Variants in PCDHGA3 observed in about 807,000 individuals in gnomAD.
PCDHGA3 encodes the protein protocadherin gamma-A3.
A neutral mutation model predicts 58.5 loss-of-function variants in PCDHGA3; 40 were observed. The observed-to-expected ratio is 0.68, with a 90% confidence interval of 0.53 to 0.89. PCDHGA3 has a LOEUF of 0.89. Among genes scored for constraint, PCDHGA3 ranks in the 40% least tolerant of loss-of-function variants. The pLI, the probability that PCDHGA3 is intolerant of heterozygous loss-of-function variation, is 0.00. For missense variants in PCDHGA3, 1,223 were observed against 1,195.9 expected (o/e 1.02, Z -0.33); for synonymous variants, 530 against 525.7 (o/e 1.01, Z -0.11).
chr5:141,506,025 A>T (rs2099850088), intron 3 of PCDHGA3, among the ~76,000 whole-genome samples: 1 of 152,150 alleles, frequency 6.6e-6, no homozygotes, highest in African/African-American at 2.4e-5. Context: ...CCCTAACTCC[A>T]GAGTAGGATT....
Position 141,476,873 on chromosome 5 carries a change from G to A in PCDHGA3, c.2425-17934G>A. 1.9e-6 allele frequency: 3 copies of A among 1,613,936 alleles called. No homozygotes were observed. Among genetic ancestry groups the A allele is most frequent in the Non-Finnish European group, 2.5e-6 (3 of 1,180,038 alleles). Reference sequence around the variant, plus strand: ...CAACCAGTCCTTGTACCGGGCGCGCGTCCTGGAGGATGCACCCTCCGGCAC... The same window carrying A: ...CAACCAGTCCTTGTACCGGGCGCGCATCCTGGAGGATGCACCCTCCGGCAC... On this transcript the variant is annotated intron_variant, in intron 1 of 3. Transcript: ENST00000253812. The surrounding 1 kb of genome is among the most constrained non-coding windows in gnomAD (Gnocchi z 7.6).
intron 1 of PCDHGA3, among the ~76,000 whole-genome samples, chr5:141,349,009 G>C (rs1279554227): frequency 6.6e-6 from 1 of 152,148 alleles, no homozygotes; most frequent in East Asian, 1.9e-4. Flanking sequence ...ATATTTACCA[G>C]TGGTCAAGTC....
At chr5:141,458,987 C>A (rs2098958554) in intron 1 of PCDHGA3, among the ~76,000 whole-genome samples, 1 of 152,168 alleles carries the variant, frequency 6.6e-6, no homozygotes, top group Non-Finnish European at 1.5e-5. Context: ...CCTGCCTCAC[C>A]CTCCCAAAGT....
At chr5:141,446,401 T>C (rs1321106896) in intron 1 of PCDHGA3, among the ~76,000 whole-genome samples, 1 of 152,166 alleles carries the variant, frequency 6.6e-6, no homozygotes, top group African/African-American at 2.4e-5. Context: ...AGAAATCGAG[T>C]TGAGTTCCAG....
At position 141,493,223 on chromosome 5, in the gene PCDHGA3, A is replaced by G. The variant is rs2099747083; in HGVS notation, c.2425-1584A>G. Among the ~76,000 whole-genome samples, 1 of 152,142 alleles carries G rather than the reference A, an allele frequency of 6.6e-6. No homozygotes were observed. The highest frequency in any genetic ancestry group is 6.6e-5 in the Admixed American group (1 of 15,262). On this transcript the variant is annotated intron_variant, in intron 1 of 3. Transcript: ENST00000253812. The surrounding 1 kb of genome is among the most constrained non-coding windows in gnomAD (Gnocchi z 4.3). ...CCTCATCTCATTTGCTCTTCCCACC[A>G]TTGCTGTTGGCTAGGTACTAACATG...
chr5:141,476,716 C>T lies in PCDHGA3; in HGVS notation c.2425-18091C>T. On this transcript the variant is annotated intron_variant, in intron 1 of 3. Transcript: ENST00000253812. This position sits in a 1 kb window ranked among gnomAD's most constrained non-coding sequence, Gnocchi z 7.6. ...AGTACGCGGAGCTGGTGTTGGAGCG[C>T]GCCCTGGACCGAGAACGGGAGCCTA... 15 of 1,614,148 alleles carry T rather than the reference C, an allele frequency of 9.3e-6. No homozygotes were observed. The highest frequency in any genetic ancestry group is 1.3e-5 in the Non-Finnish European group (15 of 1,180,036).
intron 1 of PCDHGA3, chr5:141,417,855 G>A: frequency 6.5e-7 from 1 of 1,544,918 alleles, no homozygotes. Context: ...GAACCCGAGC[G>A]AACGATGGGA....
chr5:141,496,943 T>C (rs1023861484), intron 2 of PCDHGA3, among the ~76,000 whole-genome samples: 2 of 151,258 alleles, frequency 1.3e-5, no homozygotes, highest in African/African-American at 2.4e-5. Flanking sequence ...CCCAGCACTT[T>C]GGGAGGCCAA....
intron 1 of PCDHGA3, chr5:141,374,969 G>A (rs200408172): frequency 1.2e-5 from 20 of 1,613,904 alleles, no homozygotes; most frequent in Middle Eastern, 1.6e-4. Flanking sequence ...CTGTTTGAAT[G>A]TTTTGACTGG....
rs149319740 is a variant in PCDHGA3, at chr5:141,378,591, G to A, written c.2424+32134G>A. The stretch of plus-strand genomic sequence containing the variant: ...TTTTAAAACATGCTCGGTAGTGTCT[G>A]CTTACAGGACATATCTCTAAAAATA... On this transcript the variant is annotated intron_variant, in intron 1 of 3. Transcript: ENST00000253812. 4.1e-4 allele frequency: 63 copies of A among 152,298 alleles called. 1 individual carries two copies. Among genetic ancestry groups the A allele is most frequent in the African/African-American group, 1.4e-3 (60 of 41,574 alleles). The allele number at this position is 152,298 out of a possible 1,614,324, so 9.4% of individuals were successfully genotyped here.
chr5:141,438,581 TAC>T (rs2097976954), intron 1 of PCDHGA3, among the ~76,000 whole-genome samples: 6 of 49,834 alleles, frequency 1.2e-4, no homozygotes, highest in African/African-American at 7.2e-4. Flanking sequence ...TATACATACA[TAC>T]ATACATACAT....
intron 1 of PCDHGA3, chr5:141,413,400 G>C: frequency 6.2e-7 from 1 of 1,614,060 alleles, no homozygotes; most frequent in Non-Finnish European, 8.5e-7. Context: ...CCAGAGGTAG[G>C]ACGCAGCTTT....
chr5:141,355,590 A>C, intron 1 of PCDHGA3: 2 of 1,613,952 alleles, frequency 1.2e-6, no homozygotes, highest in Non-Finnish European at 1.7e-6. Context: ...ATGATAACCC[A>C]CCCAGTTTTG....
intron 1 of PCDHGA3, chr5:141,393,221 AG>A (rs1394795238): frequency 1.2e-6 from 2 of 1,613,690 alleles, no homozygotes; most frequent in South Asian, 2.2e-5. Flanking sequence ...TCCAGGTCGA[AG>A]ATCTAGAAGT....
intron 1 of PCDHGA3, chr5:141,389,414 G>A (rs2091750366): frequency 6.2e-7 from 1 of 1,613,464 alleles, no homozygotes; most frequent in Non-Finnish European, 8.5e-7. Context: ...CGGAGAGCGG[G>A]GTGGTGTTCG....
In PCDHGA3 at chr5:141,366,784, A is replaced by G. The variant is rs749444374; in HGVS notation, c.2424+20327A>G. Reference sequence around the variant, plus strand: ...TTCTCTTTCGGTAAGGATGACCAGAACATTTTCATTTGTTTCCTTTTTCAT... The same window carrying G: ...TTCTCTTTCGGTAAGGATGACCAGAGCATTTTCATTTGTTTCCTTTTTCAT... On this transcript the variant is annotated intron_variant, in intron 1 of 3. Coordinates refer to ENST00000253812, the MANE Select transcript of PCDHGA3 (RefSeq NM_018916.4). 6 of 1,579,152 alleles carry G rather than the reference A, an allele frequency of 3.8e-6. No homozygotes were observed. The South Asian group carries it at 6.9e-5, about 18-fold the overall frequency.
At chr5:141,398,955 A>G in intron 1 of PCDHGA3, 6 of 1,613,966 alleles carry the variant, frequency 3.7e-6, no homozygotes, top group Non-Finnish European at 5.1e-6. Context: ...TCAACTCAGA[A>G]ATTACTTATT....
intron 1 of PCDHGA3, chr5:141,357,075 G>C: frequency 6.2e-7 from 1 of 1,613,942 alleles, no homozygotes; most frequent in Non-Finnish European, 8.5e-7. Context: ...ACACAGGCGA[G>C]GTGCGCACCG....
intron 1 of PCDHGA3, among the ~76,000 whole-genome samples, chr5:141,406,174 G>A (rs990967391): frequency 2.6e-5 from 4 of 151,264 alleles, no homozygotes; most frequent in African/African-American, 9.7e-5. Flanking sequence ...CTGGGCTTAT[G>A]CAATCCTCCC....
Sources: gnomAD v4.1 joint callset for allele counts (sites outside exome capture counted in the v4.1 genomes callset) on GRCh38, gnomAD v4.1.1 for gene constraint, Gnocchi (gnomAD v3.1) non-coding constraint, MANE v1.5 for transcripts, NCBI Gene and HGNC (gene_info 2026-07-23, HGNC 2026-07-21) for gene names.